The following NPAS3 variants were observed in gnomAD, a reference collection of about 807,000 sequenced individuals.
NPAS3 encodes the protein neuronal PAS domain protein 3, also known as neuronal PAS domain-containing protein 3.
A neutral mutation model predicts 73.1 loss-of-function variants in NPAS3; 14 were observed. The observed-to-expected ratio is 0.19, with a 90% CI of 0.13 to 0.30. The LOEUF is 0.30. Ranked by LOEUF, NPAS3 falls within the 10% of genes least tolerant of loss-of-function variation. The probability of loss-of-function intolerance (pLI) is 1.00; values close to 1 mark genes in which losing one functional copy is unlikely to be tolerated. For synonymous variants in NPAS3, 620 were observed against 541.5 expected, an observed-to-expected ratio of 1.14 and a Z score of -2.01; for missense variants, 1,096 against 1,250.0, an observed-to-expected ratio of 0.88 and a Z score of 1.86.
chr14:33,050,563 A>G (rs74041772), intron 1 of NPAS3, among the ~76,000 whole-genome samples: 221 of 152,334 alleles, frequency 1.5e-3, no homozygotes, highest in African/African-American at 5.2e-3. Context: ...CTAATGACAG[A>G]AAAATTCATT....
chr14:33,473,921 C>T (rs1035249005), intron 4 of NPAS3, among the ~76,000 whole-genome samples: 5 of 152,116 alleles, frequency 3.3e-5, no homozygotes, highest in African/African-American at 1.2e-4. Context: ...CAAATATGTA[C>T]TACATGGCCC....
chr14:33,029,182 T>C (rs1318031480), intron 1 of NPAS3, among the ~76,000 whole-genome samples: 1 of 152,098 alleles, frequency 6.6e-6, no homozygotes, highest in Admixed American at 6.6e-5. Flanking sequence ...GGGATACATT[T>C]TTCACAGCAC....
intron 5 of NPAS3, among the ~76,000 whole-genome samples, chr14:33,570,692 G>A (rs1229547330): frequency 6.6e-6 from 1 of 152,040 alleles, no homozygotes; most frequent in African/African-American, 2.4e-5. Context: ...CTGCAACCTT[G>A]GCTGTAGCAT....
At chr14:33,311,786 C>G (rs886610905) in intron 3 of NPAS3, among the ~76,000 whole-genome samples, 4 of 152,000 alleles carry the variant, frequency 2.6e-5, no homozygotes, top group African/African-American at 9.7e-5. Context: ...ATGGGTGATA[C>G]AAAAGGTGTA....
At chr14:33,094,055 C>A (rs1357179619) in intron 2 of NPAS3, among the ~76,000 whole-genome samples, 1 of 151,596 alleles carries the variant, frequency 6.6e-6, no homozygotes, top group Non-Finnish European at 1.5e-5. Context: ...CAACATGGCA[C>A]ATGTATATAT....
At chr14:33,604,922 C>T (rs1200980503) in intron 5 of NPAS3, among the ~76,000 whole-genome samples, 3 of 151,978 alleles carry the variant, frequency 2.0e-5, no homozygotes, top group Admixed American at 6.5e-5. Context: ...GAATGTAAAA[C>T]GTATCAGAAT....
rs118034116 is a variant in NPAS3, at chr14:33,392,387, A to G, written c.468+25119A>G. 5.7e-3 allele frequency among the ~76,000 whole-genome samples: 861 copies of G among 152,284 alleles called. 25 individuals are homozygous for G. Among genetic ancestry groups the G allele is most frequent in the East Asian group, 0.052 (267 of 5,176 alleles). On this transcript the variant is annotated intron_variant, in intron 4 of 11. Coordinates refer to ENST00000356141, the Ensembl canonical transcript of NPAS3. ...TCCTACTTTATAGATAATAGAAAAA[A>G]GTCTTAAGGTCACCTAGCTAGTAAA... is the stretch of plus-strand genomic sequence containing the variant.
intron 3 of NPAS3, among the ~76,000 whole-genome samples, chr14:33,239,388 G>T (rs1409876685): frequency 1.3e-5 from 2 of 151,838 alleles, no homozygotes; most frequent in African/African-American, 2.4e-5. Context: ...TCAAAATTTT[G>T]TTATTTAATC....
intron 4 of NPAS3, among the ~76,000 whole-genome samples, chr14:33,416,839 T>C (rs1447109258): frequency 5.9e-5 from 9 of 152,026 alleles, no homozygotes; most frequent in Admixed American, 5.9e-4. Context: ...ACTTGCATAT[T>C]TCTTCTGAGC....
chr14:32,938,133 G>T (rs961857013), upstream of NPAS3, among the ~76,000 whole-genome samples: 1 of 152,124 alleles, frequency 6.6e-6, no homozygotes, highest in Non-Finnish European at 1.5e-5. Context: ...CTGTACGTCC[G>T]TGACTGATGC....
chr14:33,612,412 C>T (rs2057780346), intron 5 of NPAS3: 1 of 455,924 alleles, frequency 2.2e-6, no homozygotes. Context: ...CAGGCACAGA[C>T]ACTGTGTTCA....
intron 4 of NPAS3, among the ~76,000 whole-genome samples, chr14:33,527,757 T>A (rs2053865753): frequency 6.6e-6 from 1 of 152,136 alleles, no homozygotes; most frequent in African/African-American, 2.4e-5. Context: ...GAACTTGTGT[T>A]TGAAATGTGA....
At chr14:33,698,316 G>A (rs558308910) in intron 6 of NPAS3, among the ~76,000 whole-genome samples, 1 of 152,288 alleles carries the variant, frequency 6.6e-6, no homozygotes, top group African/African-American at 2.4e-5. Context: ...ACAAAAGAAA[G>A]GTTTTTTTAA....
At chr14:32,994,630 G>GTTTT (rs777136450) in intron 1 of NPAS3, among the ~76,000 whole-genome samples, 10 of 123,594 alleles carry the variant, frequency 8.1e-5, no homozygotes, top group South Asian at 4.9e-4. Context: ...TTGTTTGTTT[G>GTTTT]TTTTTGTTTT....
At chr14:33,325,335 T>C (rs1594695192) in intron 3 of NPAS3, among the ~76,000 whole-genome samples, 1 of 152,046 alleles carries the variant, frequency 6.6e-6, no homozygotes, top group African/African-American at 2.4e-5. Flanking sequence ...ACTACACTCT[T>C]TGAGTTATTT....
At chr14:32,990,696 C>T (rs2038294899) in intron 1 of NPAS3, among the ~76,000 whole-genome samples, 1 of 152,122 alleles carries the variant, frequency 6.6e-6, no homozygotes, top group Non-Finnish European at 1.5e-5. Flanking sequence ...GAGGCTAAGG[C>T]AGGAGCATTG....
chr14:33,311,120 A>C (rs2042984352), intron 3 of NPAS3, among the ~76,000 whole-genome samples: 1 of 152,160 alleles, frequency 6.6e-6, no homozygotes, highest in Middle Eastern at 3.4e-3. Flanking sequence ...AGCTATATGG[A>C]GTGTCACAGA....
At chr14:32,961,920 T>G (rs2036937852) in intron 1 of NPAS3, among the ~76,000 whole-genome samples, 2 of 152,290 alleles carry the variant, frequency 1.3e-5, no homozygotes, top group East Asian at 3.9e-4. Context: ...AATAGAATAT[T>G]GATATTCTGT....
chr14:33,317,104 A>G (rs889525042), intron 3 of NPAS3, among the ~76,000 whole-genome samples: 5 of 152,112 alleles, frequency 3.3e-5, no homozygotes, highest in African/African-American at 4.8e-5. Flanking sequence ...AACAGGTTAC[A>G]GTGAAAAAGA....
Sources: allele counts gnomAD v4.1 joint callset (sites outside exome capture counted in the v4.1 genomes callset), GRCh38; gene constraint gnomAD v4.1.1; transcripts MANE v1.5; gene names NCBI Gene and HGNC (gene_info 2026-07-23, HGNC 2026-07-21).